Variants in MAP3K2 observed in about 807,000 individuals in gnomAD.
MAP3K2 encodes the protein mitogen-activated protein kinase kinase kinase 2.
Under a neutral mutation model 80.3 loss-of-function variants are expected in MAP3K2, and 24 were observed. The observed-to-expected ratio is 0.30, with a 90% CI of 0.22 to 0.42. The LOEUF is 0.42. MAP3K2 is among the 10% of genes least tolerant of loss of function. MAP3K2 has a pLI of 1.00. For missense variants in MAP3K2, 608 were observed against 750.1 expected (o/e 0.81, Z 2.21); for synonymous variants, 244 against 253.7 (o/e 0.96, Z 0.36).
intron 1 of MAP3K2, among the ~76,000 whole-genome samples, chr2:127,355,353 T>A (rs971695209): frequency 1.3e-5 from 2 of 152,100 alleles, no homozygotes; most frequent in African/African-American, 4.8e-5. Flanking sequence ...AACATCATCA[T>A]TAAAGTAAAG....
intron 5 of MAP3K2, among the ~76,000 whole-genome samples, chr2:127,331,004 C>T (rs2104833097): frequency 6.6e-6 from 1 of 152,252 alleles, no homozygotes; most frequent in South Asian, 2.1e-4. Flanking sequence ...TGGAGGGGTA[C>T]CACTAGTAAC....
intron 1 of MAP3K2, among the ~76,000 whole-genome samples, chr2:127,371,998 C>T (rs1471924274): frequency 6.6e-6 from 1 of 152,184 alleles, no homozygotes; most frequent in Admixed American, 6.5e-5. Flanking sequence ...AGTCCTCTCT[C>T]TCAGAGCAAC....
intron 1 of MAP3K2, among the ~76,000 whole-genome samples, chr2:127,353,097 T>C (rs974335649): frequency 3.3e-5 from 5 of 152,074 alleles, no homozygotes; most frequent in African/African-American, 1.2e-4. Flanking sequence ...AGTGCCGAGA[T>C]TGCAGCCTCT....
intron 1 of MAP3K2, among the ~76,000 whole-genome samples, chr2:127,371,388 C>T (rs775442143): frequency 2.6e-5 from 4 of 152,148 alleles, no homozygotes; most frequent in Non-Finnish European, 4.4e-5. Flanking sequence ...TGTGCGCTCT[C>T]GGGGCTTGGG....
chr2:127,343,170 T>C lies in MAP3K2; in HGVS notation c.-41A>G. 1 of 1,532,358 alleles carries C rather than the reference T, an allele frequency of 6.5e-7. No homozygotes were observed. Among genetic ancestry groups the C allele is most frequent in the South Asian group, 1.2e-5 (1 of 83,082 alleles). 94.9% of individuals were successfully genotyped at this position (1,532,358 alleles called of 1,614,324 possible). A position where few individuals can be genotyped will look rare whatever the true frequency, so the allele number is the denominator to read the frequency against. On this transcript the variant is annotated 5_prime_UTR_variant, in exon 2 of 17. Coordinates refer to ENST00000682094, the MANE Select transcript of MAP3K2 (RefSeq NM_001371910.2). ...AACAATTTGAAAATTAGGAAAATGGTTCTCCCATCAGCATTCTTTATGGCC... is the reference window on the plus strand; with the variant it reads ...AACAATTTGAAAATTAGGAAAATGGCTCTCCCATCAGCATTCTTTATGGCC...
At chr2:127,318,048 CT>C (rs11452548) in intron 13 of MAP3K2, 120 bp downstream of exon 13, 16,500 of 568,666 alleles carry the variant, frequency 0.029, 7 homozygotes, top group South Asian at 0.036. Flanking sequence ...AAGAAAACTG[CT>C]TTTTTTTTTT....
chr2:127,331,780 A>G (rs1686260718), intron 5 of MAP3K2, among the ~76,000 whole-genome samples: 1 of 152,120 alleles, frequency 6.6e-6, no homozygotes, highest in African/African-American at 2.4e-5. Context: ...TAATTTTTGT[A>G]TTTTTAGCAG....
At chr2:127,342,175 C>T (rs1187070464) in intron 2 of MAP3K2, among the ~76,000 whole-genome samples, 2 of 152,130 alleles carry the variant, frequency 1.3e-5, no homozygotes, top group African/African-American at 4.8e-5. Flanking sequence ...AGTAAAAGTA[C>T]ATCCAATTTG....
rs113403217 is a variant in MAP3K2 at position 127,363,205 on chromosome 2, T to C, written c.-65-20011A>G. Among the ~76,000 whole-genome samples the C allele has an allele frequency of 3.3e-3, 506 of 152,300 alleles. 2 individuals are homozygous for C. Among genetic ancestry groups the C allele is most frequent in the African/African-American group, 0.011 (473 of 41,552 alleles). The stretch of plus-strand genomic sequence containing the variant: ...GGTTCTGGAACCAATCCCCCGCAGA[T>C]ACCAAGGGATGACTGTGTATTACAC... On this transcript the variant is annotated intron_variant, in intron 1 of 16. Transcript: ENST00000682094.
rs1685629953 is a variant in MAP3K2, at chr2:127,303,165, A to C, written c.*4414T>G. ...TAAATATGAACATTACATTTGTAAA[A>C]CAAAGGCCAAACTTAGTAATAAAAC... On this transcript the variant is annotated 3_prime_UTR_variant, in exon 17 of 17. Transcript: ENST00000682094. 1 of 152,164 alleles carries C rather than the reference A, an allele frequency of 6.6e-6. No individual in the cohort carries two copies. The allele number at this position is 152,164 out of a possible 1,614,324, so 9.4% of individuals were successfully genotyped here.
Position 127,300,179 on chromosome 2 carries a change from A to G in MAP3K2, c.*7400T>C, listed in dbSNP as rs990860744. On this transcript the variant is annotated 3_prime_UTR_variant, in exon 17 of 17. Transcript: ENST00000682094. Reference sequence around the variant, plus strand: ...TGGCTACATCTTGAAAGAAGTTAAAACATAAAGACACAGACAGTAGTTCAA... The same window carrying G: ...TGGCTACATCTTGAAAGAAGTTAAAGCATAAAGACACAGACAGTAGTTCAA... 6.6e-6 allele frequency: 1 copy of G among 152,168 alleles called. No homozygotes were observed. The highest frequency in any genetic ancestry group is 1.5e-5 in the Non-Finnish European group (1 of 67,984). The allele number at this position is 152,168 out of a possible 1,614,324, so 9.4% of individuals were successfully genotyped here. A position where few individuals can be genotyped will look rare whatever the true frequency, so the allele number is the denominator to read the frequency against.
chr2:127,344,865 A>G (rs1223796054), intron 1 of MAP3K2, among the ~76,000 whole-genome samples: 2 of 152,098 alleles, frequency 1.3e-5, no homozygotes, highest in African/African-American at 4.8e-5. Flanking sequence ...TACAACAGAC[A>G]CTTTTTTTGG....
intron 5 of MAP3K2, among the ~76,000 whole-genome samples, chr2:127,332,541 G>A (rs1573988639): frequency 6.6e-6 from 1 of 152,152 alleles, no homozygotes; most frequent in South Asian, 2.1e-4. Context: ...GTGTTCTAAG[G>A]TTACCTATTA....
At chr2:127,318,969 C>G (rs907020142) in intron 12 of MAP3K2, among the ~76,000 whole-genome samples, 21 of 152,250 alleles carry the variant, frequency 1.4e-4, no homozygotes, top group African/African-American at 4.3e-4. Flanking sequence ...CTTGGGAGAT[C>G]TAGACACAGG....
At chr2:127,333,607 G>A (rs542350313) in intron 5 of MAP3K2, among the ~76,000 whole-genome samples, 1 of 152,180 alleles carries the variant, frequency 6.6e-6, no homozygotes, top group South Asian at 2.1e-4. Context: ...AACAGGATAC[G>A]GTTCACTCAC....
chr2:127,368,522 T>C (rs1458181621), intron 1 of MAP3K2, among the ~76,000 whole-genome samples: 2 of 151,876 alleles, frequency 1.3e-5, no homozygotes, highest in Admixed American at 6.6e-5. Context: ...CTCAGGAGGC[T>C]GAGGCAGGAG....
chr2:127,349,968 G>A (rs897447733), intron 1 of MAP3K2, among the ~76,000 whole-genome samples: 5 of 151,964 alleles, frequency 3.3e-5, no homozygotes, highest in South Asian at 4.1e-4. Context: ...TCAATCTCCC[G>A]GGCTTAAGCA....
intron 1 of MAP3K2, among the ~76,000 whole-genome samples, chr2:127,349,702 T>C (rs1408884894): frequency 6.6e-6 from 1 of 152,156 alleles, no homozygotes; most frequent in Non-Finnish European, 1.5e-5. Flanking sequence ...TCAAGTAAAC[T>C]TTCCATAATG....
chr2:127,364,468 C>T lies in MAP3K2; in HGVS notation c.-65-21274G>A, dbSNP rs1043539264. ...CTCCCTGTCCTCTTCACCTGGTCAT[C>T]TTACCATGTATAAACGATAATGGAA... is the stretch of plus-strand genomic sequence containing the variant. On this transcript the variant is annotated intron_variant, in intron 1 of 16. Coordinates refer to ENST00000682094, the MANE Select transcript of MAP3K2 (RefSeq NM_001371910.2). The surrounding 1 kb of genome is among the most constrained non-coding windows in gnomAD (Gnocchi z 4.1). Among the ~76,000 whole-genome samples the T allele has an allele frequency of 6.6e-6, 1 of 152,184 alleles. No individual in the cohort carries two copies. Among genetic ancestry groups the T allele is most frequent in the South Asian group, 2.1e-4 (1 of 4,836 alleles).
Sources: gnomAD v4.1 joint callset for allele counts (sites outside exome capture counted in the v4.1 genomes callset) on GRCh38, gnomAD v4.1.1 for gene constraint, Gnocchi (gnomAD v3.1) non-coding constraint, MANE v1.5 for transcripts, NCBI Gene and HGNC (gene_info 2026-07-23, HGNC 2026-07-21) for gene names.